DPP6: variants seen among roughly 807,000 people sequenced by gnomAD.
The protein encoded by DPP6 is A-type potassium channel modulatory protein DPP6.
In DPP6, 69 loss-of-function variants were observed where a neutral mutation model predicts 122.6. The ratio of observed to expected loss-of-function variants is 0.56; its 90% CI spans 0.46 to 0.69. The LOEUF is 0.69. DPP6 is among the 30% of genes least tolerant of loss of function. DPP6 has a pLI of 0.00. For missense variants in DPP6, 928 were observed against 1,116.9 expected (o/e 0.83, Z 2.41); for synonymous variants, 418 against 433.1 (o/e 0.97, Z 0.43).
intron 1 of DPP6, among the ~76,000 whole-genome samples, chr7:153,966,619 A>T: frequency 9.0e-6 from 1 of 111,024 alleles, no homozygotes; most frequent in Non-Finnish European, 1.8e-5. Context: ...TTAAAAAATT[A>T]TACTTTAATT....
chr7:154,668,401 T>C (rs1296679470), intron 6 of DPP6, among the ~76,000 whole-genome samples: 1 of 151,092 alleles, frequency 6.6e-6, no homozygotes, highest in Non-Finnish European at 1.5e-5. Context: ...TTTATATTTT[T>C]AGTAGGGATG....
chr7:154,685,923 C>A, intron 7 of DPP6, among the ~76,000 whole-genome samples: 1 of 152,046 alleles, frequency 6.6e-6, no homozygotes, highest in East Asian at 1.9e-4. Flanking sequence ...GTGTGATTTT[C>A]CCCCCATCAA....
chr7:154,203,749 G>A (rs1024398072), intron 1 of DPP6, among the ~76,000 whole-genome samples: 9 of 152,222 alleles, frequency 5.9e-5, no homozygotes, highest in African/African-American at 1.7e-4. Context: ...AGGCCGTAGT[G>A]CAGTGGAAGC....
intron 1 of DPP6, among the ~76,000 whole-genome samples, chr7:154,008,653 CTTTTCTTTTTT>C (rs1585168361): frequency 7.1e-6 from 1 of 140,592 alleles, no homozygotes; most frequent in East Asian, 2.1e-4. Context: ...AATATTATTT[CTTTTCTTTTTT>C]TTTTTTTTTT....
chr7:154,807,540 A>G (rs561806563), intron 16 of DPP6, among the ~76,000 whole-genome samples: 1 of 152,288 alleles, frequency 6.6e-6, no homozygotes, highest in African/African-American at 2.4e-5. Flanking sequence ...ATTGAATATC[A>G]CCAGGCACGG....
At chr7:154,621,609 C>T (rs554229154) in intron 5 of DPP6, among the ~76,000 whole-genome samples, 73 of 152,256 alleles carry the variant, frequency 4.8e-4, no homozygotes, top group South Asian at 3.5e-3. Flanking sequence ...TCAGGTGATC[C>T]GCCCACCTTG....
intron 1 of DPP6, among the ~76,000 whole-genome samples, chr7:154,173,771 G>C (rs12531574): frequency 0.44 from 66,634 of 151,984 alleles, 16,293 homozygotes; most frequent in East Asian, 0.6. Flanking sequence ...GGCTCACCAA[G>C]GAACGACCAC....
At chr7:154,658,858 A>G (rs1005571907) in intron 6 of DPP6, among the ~76,000 whole-genome samples, 2 of 152,228 alleles carry the variant, frequency 1.3e-5, no homozygotes, top group Non-Finnish European at 2.9e-5. Flanking sequence ...GAGACATTGC[A>G]TTTGTCATTC....
At chr7:154,532,696 G>T (rs1827936754) in intron 3 of DPP6, among the ~76,000 whole-genome samples, 1 of 151,800 alleles carries the variant, frequency 6.6e-6, no homozygotes, top group Admixed American at 6.6e-5. Flanking sequence ...TTACTAAAAA[G>T]ATAATATGTT....
chr7:153,904,930 C>T (rs1799788094), intron 1 of DPP6, among the ~76,000 whole-genome samples: 1 of 152,300 alleles, frequency 6.6e-6, no homozygotes, highest in Non-Finnish European at 1.5e-5. Context: ...CAAAGATAGA[C>T]AGGAAGCTGT....
chr7:154,104,628 GC>G (rs1470536851), intron 1 of DPP6, among the ~76,000 whole-genome samples: 1 of 152,262 alleles, frequency 6.6e-6, no homozygotes, highest in Non-Finnish European at 1.5e-5. Context: ...CCTGTGCTGT[GC>G]AGGCATCTGC....
intron 12 of DPP6, among the ~76,000 whole-genome samples, chr7:154,799,591 G>A (rs566028537): frequency 1.3e-5 from 2 of 152,146 alleles, no homozygotes; most frequent in African/African-American, 2.4e-5. Context: ...GGGCTGGAAG[G>A]GGGGTTGGAC....
intron 1 of DPP6, among the ~76,000 whole-genome samples, chr7:154,339,119 G>C (rs1322558889): frequency 6.6e-6 from 1 of 152,182 alleles, no homozygotes; most frequent in East Asian, 1.9e-4. Context: ...GGTCCTTGGT[G>C]GTCACTGCAT....
chr7:154,480,571 G>T lies in DPP6; in HGVS notation c.457+5534G>T, dbSNP rs141556929. Among the ~76,000 whole-genome samples, 2 of 152,136 alleles carry T rather than the reference G, an allele frequency of 1.3e-5. 1 individual carries two copies. The highest frequency in any genetic ancestry group is 4.8e-5 in the African/African-American group (2 of 41,414). On this transcript the variant is annotated intron_variant, in intron 3 of 25. Transcript: ENST00000377770. ...GCCGGTTCTCCCTCTTCTCCCTGAC[G>T]TTTAATATTGCTGCAAGACTCAGGA...
the DPP6 span, among the ~76,000 whole-genome samples, chr7:153,859,892 G>A: frequency 2.3e-4 from 35 of 152,200 alleles, no homozygotes; most frequent in Middle Eastern, 3.4e-3. Context: ...TGAGAACAGC[G>A]TGGGGAAAAC....
chr7:154,834,353 G>A (rs191485947), intron 16 of DPP6, among the ~76,000 whole-genome samples: 12 of 151,656 alleles, frequency 7.9e-5, no homozygotes, highest in African/African-American at 2.4e-4. Flanking sequence ...GTGCGTGCCT[G>A]TAATCCCAGC....
At chr7:154,758,520 C>T (rs1471186540) in intron 8 of DPP6, among the ~76,000 whole-genome samples, 3 of 151,876 alleles carry the variant, frequency 2.0e-5, no homozygotes, top group African/African-American at 7.3e-5. Flanking sequence ...TACAGGCATG[C>T]ACCGCCACGT....
intron 1 of DPP6, among the ~76,000 whole-genome samples, chr7:154,287,080 T>C (rs1804904579): frequency 6.6e-6 from 1 of 152,156 alleles, no homozygotes; most frequent in African/African-American, 2.4e-5. Context: ...GGATTACAGG[T>C]GTGAGCCACC....
the DPP6 span, among the ~76,000 whole-genome samples, chr7:153,795,928 G>A: frequency 1.6e-4 from 25 of 151,534 alleles, no homozygotes; most frequent in Admixed American, 3.9e-4. Flanking sequence ...ATATTCCAGC[G>A]ATCTTGCTGT....
Sources: allele counts gnomAD v4.1 joint callset (sites outside exome capture counted in the v4.1 genomes callset), GRCh38; gene constraint gnomAD v4.1.1; transcripts MANE v1.5; gene names NCBI Gene and HGNC (gene_info 2026-07-23, HGNC 2026-07-21).